The following TTN variants were observed in gnomAD, a reference collection of about 807,000 sequenced individuals.
TTN encodes the protein connectin.
In TTN, 1,525 loss-of-function variants were observed where a neutral mutation model predicts 3,223.0. The observed-to-expected ratio is 0.47, with a 90% CI of 0.45 to 0.49. TTN has a LOEUF of 0.49. TTN is among the 20% of genes least tolerant of loss of function. TTN has a pLI of 0.00. For synonymous variants in TTN, 14,094 were observed against 15,161.0 expected, an observed-to-expected ratio of 0.93 and a Z score of 5.17; for missense variants, 40,786 against 43,424.0, an observed-to-expected ratio of 0.94 and a Z score of 5.40.
Position 178,577,710 on chromosome 2 carries a change from G to A in TTN, c.68716C>T (p.Leu22906Phe). ...AATTCATATTTTCCACCCTCAACAA[G>A]GTCAGTTACAGTAAAGGCACATTCT... is the stretch of plus-strand genomic sequence containing the variant. ...VPECAFTVTDLVEGGKYEFRI... is the reference protein window; with the variant it reads ...VPECAFTVTDFVEGGKYEFRI... Residue 22906 changes from leucine (L) to phenylalanine (F), a missense_variant, in exon 323 of 363, where the codon CTT becomes TTT. Transcript: ENST00000589042. 6.2e-7 allele frequency: 1 copy of A among 1,613,292 alleles called. No homozygotes were observed. The highest frequency in any genetic ancestry group is 1.3e-5 in the African/African-American group (1 of 74,984).
At chr2:178,670,604 C>T (rs562573914) in intron 156 of TTN, among the ~76,000 whole-genome samples, 4 of 152,010 alleles carry the variant, frequency 2.6e-5, no homozygotes, top group East Asian at 3.9e-4. Flanking sequence ...TGATAACTTA[C>T]GCACATGCTT....
At position 178,614,880 on chromosome 2, in the gene TTN, G is replaced by C. The variant is rs72677242; in HGVS notation, c.48727C>G (p.Pro16243Ala). ...NRQGASKPSR[P>A]TEEIQAVDTQ... ...TCCACAGCCTGGATTTCCTCTGTGG[G>C]TCTGCTTGGTTTGCTAGCACCCTGC... The change falls in exon 260 of 363, where the codon CCC becomes GCC. Residue 16243 changes from proline to alanine, a missense_variant. Transcript: ENST00000589042. 1.3e-6 allele frequency: 2 copies of C among 1,575,964 alleles called. No homozygotes were observed. The highest frequency in any genetic ancestry group is 1.3e-5 in the African/African-American group (1 of 74,376).
intron 134 of TTN, 105 bp from the exon 135 acceptor site, chr2:178,683,008 C>A: frequency 8.5e-7 from 1 of 1,178,410 alleles, no homozygotes. Flanking sequence ...TTGTTTCATG[C>A]ACTGATTATG....
At chr2:178,664,231 G>C in intron 168 of TTN, 133 bp from the exon 169 acceptor site, 2 of 954,206 alleles carry the variant, frequency 2.1e-6, no homozygotes, top group Non-Finnish European at 1.5e-6. Flanking sequence ...CCCATAATAG[G>C]TGGTGTTTCA....
At position 178,674,408 on chromosome 2, in the gene TTN, C is replaced by A; in HGVS notation, c.34614G>T (p.Val11538=). ...TAGGCTCTTCTTCAGGCTCCTCAGTCACTTTAAAAAGATTATTATTTTGTA... is the reference window on the plus strand; with the variant it reads ...TAGGCTCTTCTTCAGGCTCCTCAGTAACTTTAAAAAGATTATTATTTTGTA... ...PKEEEVLPVE[V]TEEPEEEPIS... Residue 11538 remains valine, a splice_region_variant and synonymous_variant, in exon 151 of 363, where the codon GTG becomes GTT. Transcript: ENST00000589042. The A allele has an allele frequency of 1.3e-6, 2 of 1,515,006 alleles. No homozygotes were observed. The highest frequency in any genetic ancestry group is 2.5e-5 in the South Asian group (2 of 78,690). 93.8% of individuals were successfully genotyped at this position (1,515,006 alleles called of 1,614,324 possible).
At chr2:178,620,170 AG>A in intron 248 of TTN, 46 bp downstream of exon 248, 1 of 1,586,312 alleles carries the variant, frequency 6.3e-7, no homozygotes, top group African/African-American at 1.4e-5. Context: ...AATTGTCAAA[AG>A]TGTATATATA....
In TTN at chr2:178,604,887, G is replaced by C; in HGVS notation, c.54202C>G (p.Pro18068Ala). The change falls in exon 281 of 363, where the codon CCA becomes GCA. Residue 18068 changes from proline to alanine, a missense_variant. Coordinates refer to ENST00000589042, the MANE Select transcript of TTN (RefSeq NM_001267550.2). ...VHVEVYDRPS[P>A]PRNLAVTDIK... ...TCAGTAACAGCAAGATTTCTTGGTGGGGATGGGCGGTCTGGAAAGGAATCA... is the reference window on the plus strand; with the variant it reads ...TCAGTAACAGCAAGATTTCTTGGTGCGGATGGGCGGTCTGGAAAGGAATCA... The C allele has an allele frequency of 4.3e-6, 7 of 1,611,340 alleles. No homozygotes were observed. Among genetic ancestry groups the C allele is most frequent in the Non-Finnish European group, 5.9e-6 (7 of 1,178,636 alleles).
At chr2:178,676,761 A>G (rs2068153206) in intron 147 of TTN, among the ~76,000 whole-genome samples, 1 of 151,868 alleles carries the variant, frequency 6.6e-6, no homozygotes, top group Admixed American at 6.6e-5. Flanking sequence ...AGACATAACT[A>G]TTATTCTGTG....
chr2:178,738,825 T>C (rs964579153), intron 48 of TTN, among the ~76,000 whole-genome samples: 4 of 152,312 alleles, frequency 2.6e-5, no homozygotes, highest in East Asian at 3.9e-4. Flanking sequence ...TGTTCACTGA[T>C]ACTTTTTATT....
Position 178,652,447 on chromosome 2 carries a change from G to A in TTN, c.39127+11C>T. 6.2e-7 allele frequency: 1 copy of A among 1,613,020 alleles called. No individual in the cohort carries two copies. The highest frequency in any genetic ancestry group is 2.2e-5 in the East Asian group (1 of 44,818). On this transcript the variant is annotated intron_variant, in intron 202 of 362. Coordinates refer to ENST00000589042, the MANE Select transcript of TTN (RefSeq NM_001267550.2). ...TTTGATCATCTGAAGCCTAAAATCA[G>A]TGACAAATACCTTTAACAGGTGTGA...
chr2:178,708,726 A>G (rs2076225363), intron 99 of TTN, among the ~76,000 whole-genome samples: 1 of 152,194 alleles, frequency 6.6e-6, no homozygotes, highest in African/African-American at 2.4e-5. Flanking sequence ...GAGTGGTGAA[A>G]CTGGAATTTT....
At chr2:178,711,467 T>G (rs973110039) in intron 96 of TTN, 118 bp from the exon 97 acceptor site, 3 of 1,177,192 alleles carry the variant, frequency 2.5e-6, no homozygotes, top group African/African-American at 3.1e-5. Flanking sequence ...GAATTATTAA[T>G]GTCTCTTGAA....
intron 72 of TTN, 57 bp downstream of exon 72, chr2:178,724,202 GA>G (rs1344936823): frequency 2.5e-6 from 4 of 1,582,250 alleles, no homozygotes; most frequent in Non-Finnish European, 3.4e-6. Flanking sequence ...AGACTTGAAA[GA>G]AGGAAACTTG....
Position 178,591,159 on chromosome 2 carries a change from A to G in TTN, c.60566T>C (p.Met20189Thr), listed in dbSNP as rs2050118678. 4 of 1,613,278 alleles carry G rather than the reference A, an allele frequency of 2.5e-6. No individual in the cohort carries two copies. In the South Asian group the frequency reaches 4.4e-5, roughly 18 times the overall value. The stretch of plus-strand genomic sequence containing the variant: ...CTTAGGTGGCTGCCATGAGATAGTC[A>G]TGTGTTCAGGAGTAACATCCAGAAT... Reference protein sequence around the residue: ...INILDVTPEHMTISWQPPKDD... With the variant: ...INILDVTPEHTTISWQPPKDD... Residue 20189 changes from methionine (M) to threonine (T), a missense_variant, in exon 304 of 363, where the codon ATG (methionine) becomes ACG (threonine). Met to Thr is a moderately conservative substitution (Grantham distance 81). Transcript: ENST00000589042.
rs774683936 is a variant in TTN, at chr2:178,682,852, GCTT to G, written c.32936_32938del (p.Glu10979del). On this transcript the variant is annotated inframe_deletion, in exon 135 of 363. Transcript: ENST00000589042. ...TTCTTCTTCCCGTTGTACTGAAACAGCTTCTTCTTCTAGGGTATAAGCCCTTTC... is the reference window on the plus strand; with the variant it reads ...TTCTTCTTCCCGTTGTACTGAAACAGCTTCTTCTAGGGTATAAGCCCTTTC... 13 of 1,612,458 alleles carry G rather than the reference GCTT, an allele frequency of 8.1e-6. No homozygotes were observed. Among genetic ancestry groups the G allele is most frequent in the Non-Finnish European group, 1.1e-5 (13 of 1,179,164 alleles).
rs1451693700 is a variant in TTN at position 178,536,458 on chromosome 2, T to C, written c.100289A>G (p.Glu33430Gly). ...GGAKIRNYYL[E>G]KREKKQNKWI... ...TTTATTCTGCTTCTTCTCACGCTTC[T>C]CAAGGTAGTAATTTCTAATCTTTGC... The change falls in exon 357 of 363, where the codon GAG becomes GGG. Residue 33430 changes from glutamate (E) to glycine (G), a missense_variant. Coordinates refer to ENST00000589042, the MANE Select transcript of TTN (RefSeq NM_001267550.2). 1 of 1,606,608 alleles carries C rather than the reference T, an allele frequency of 6.2e-7. No homozygotes were observed. The highest frequency in any genetic ancestry group is 1.3e-5 in the African/African-American group (1 of 74,586).
In TTN at chr2:178,570,804, G is replaced by A. The variant is rs794729382; in HGVS notation, c.75328C>T (p.Arg25110Ter). The change falls in exon 326 of 363, where the codon CGA (arginine) becomes TGA (stop). Residue 25110 changes from arginine (R) to a stop codon, truncating the protein, a stop_gained. Coordinates refer to ENST00000589042, the MANE Select transcript of TTN (RefSeq NM_001267550.2). LOFTEE classifies it high-confidence loss of function. ...TTGTATTTTGGATCCATACTTATTCGTGGTGGATCTACCTCATCTCTAGCT... is the reference window on the plus strand; with the variant it reads ...TTGTATTTTGGATCCATACTTATTCATGGTGGATCTACCTCATCTCTAGCT... ...ITARDEVDPPRISMDPKYKDT... is the reference protein window; with the variant it reads ...ITARDEVDPP The A allele has an allele frequency of 3.1e-6, 5 of 1,613,504 alleles. No individual in the cohort carries two copies. The highest frequency in any genetic ancestry group is 2.5e-6 in the Non-Finnish European group (3 of 1,179,610).
Position 178,575,174 on chromosome 2 carries a change from A to G in TTN, c.70958T>C (p.Val23653Ala). The part of the protein sequence containing the change: ...VIAKAGDNIK[V>A]EIPVLGRPKP... ...CGGTCGACCGAGCACTGGAATTTCAACTTTGATGTTGTCACCAGCTTTGGC... is the reference window on the plus strand; with the variant it reads ...CGGTCGACCGAGCACTGGAATTTCAGCTTTGATGTTGTCACCAGCTTTGGC... Residue 23653 changes from valine to alanine, a missense_variant, in exon 326 of 363, where the codon GTT becomes GCT. By Grantham distance (64) the Val-to-Ala change is moderately conservative. Transcript: ENST00000589042. This position sits in a 1 kb window ranked among gnomAD's most constrained non-coding sequence, Gnocchi z 4.0. 6.2e-7 allele frequency: 1 copy of G among 1,612,664 alleles called. No individual in the cohort carries two copies. Among genetic ancestry groups the G allele is most frequent in the Non-Finnish European group, 8.5e-7 (1 of 1,179,338 alleles).
At position 178,589,621 on chromosome 2, in the gene TTN, A is replaced by T; in HGVS notation, c.62104T>A (p.Ser20702Thr). ...PDYDGGSPNLSYHVERRLKGS... is the reference protein window; with the variant it reads ...PDYDGGSPNLTYHVERRLKGS... ...TTAAGCCTTCTCTCAACATGATATG[A>T]CAGATTTGGACTGCCACCATCATAG... The change falls in exon 304 of 363, where the codon TCA becomes ACA. Residue 20702 changes from serine to threonine, a missense_variant. Ser to Thr is a moderately conservative substitution (Grantham distance 58). Coordinates refer to ENST00000589042, the MANE Select transcript of TTN (RefSeq NM_001267550.2). 6.2e-7 allele frequency: 1 copy of T among 1,613,256 alleles called. No homozygotes were observed. The highest frequency in any genetic ancestry group is 8.5e-7 in the Non-Finnish European group (1 of 1,179,472).
Sources: allele counts gnomAD v4.1 joint callset (sites outside exome capture counted in the v4.1 genomes callset), GRCh38; gene constraint gnomAD v4.1.1; non-coding constraint Gnocchi (gnomAD v3.1); transcripts MANE v1.5; gene names NCBI Gene and HGNC (gene_info 2026-07-23, HGNC 2026-07-21).